The following TEX11 variants were observed in gnomAD, a reference collection of about 807,000 sequenced individuals.
TEX11 encodes the protein testis-expressed protein 11.
A neutral mutation model predicts 84.4 loss-of-function variants in TEX11; 7 were observed. That is an observed-to-expected ratio of 0.08 (90% CI 0.05 to 0.16). The LOEUF (loss-of-function observed/expected upper bound fraction) is 0.16. TEX11 is among the 10% of genes least tolerant of loss of function. The probability of loss-of-function intolerance (pLI) is 1.00; values close to 1 mark genes in which losing one functional copy is unlikely to be tolerated. For missense variants in TEX11, 551 were observed against 660.5 expected (o/e 0.83, Z 1.82); for synonymous variants, 264 against 222.8 (o/e 1.18, Z -1.64).
chrX:70,749,915 A>G (rs1173855121), intron 9 of TEX11, among the ~76,000 whole-genome samples: 1 of 110,340 alleles, frequency 9.1e-6, no homozygotes, highest in Non-Finnish European at 1.9e-5. Context: ...TGGCTTTGGT[A>G]TCAAATGGGA....
intron 15 of TEX11, among the ~76,000 whole-genome samples, chrX:70,676,563 G>A (rs1195437821): frequency 1.8e-5 from 2 of 111,735 alleles, no homozygotes; most frequent in African/African-American, 3.3e-5. Flanking sequence ...TTTTGATTAC[G>A]TGCGTTGGTG....
rs770636395 is a variant in TEX11 at position 70,578,719 on chromosome X, T to C, written c.2140+13032A>G. Among the ~76,000 whole-genome samples, 4 of 109,111 alleles carry C rather than the reference T, an allele frequency of 3.7e-5. No homozygotes were observed. In the South Asian group the frequency reaches 1.6e-3, roughly 44 times the overall value. The allele number at this position is 109,111 out of a possible 115,157, so 94.7% of individuals were successfully genotyped here. ...TGGTTTATAGACATAAATAAGAACT[T>C]ACATACATATTTTTTTAACTCCAAG... On this transcript the variant is annotated intron_variant, in intron 25 of 29. Coordinates refer to ENST00000374333, the MANE Select transcript of TEX11 (RefSeq NM_031276.3).
intron 24 of TEX11, among the ~76,000 whole-genome samples, chrX:70,592,101 G>A (rs2088939809): frequency 9.0e-6 from 1 of 111,425 alleles, no homozygotes; most frequent in Non-Finnish European, 1.9e-5. Flanking sequence ...TAGAATGGTT[G>A]TGTGAGGAGC....
At chrX:70,862,440 C>T (rs1191794561) in intron 4 of TEX11, among the ~76,000 whole-genome samples, 3 of 111,354 alleles carry the variant, frequency 2.7e-5, no homozygotes, top group South Asian at 3.7e-4. Flanking sequence ...ATTTGTCTAG[C>T]GGAAATTACA....
At chrX:70,900,395 A>AAAG (rs1556245993) in intron 2 of TEX11, among the ~76,000 whole-genome samples, 12,170 of 59,997 alleles carry the variant, frequency 0.2, 1,747 homozygotes, top group East Asian at 0.47. Context: ...AAAAAAAAAA[A>AAAG]AAGAAGAAGA....
At chrX:70,875,255 G>C (rs1163520408) in intron 3 of TEX11, among the ~76,000 whole-genome samples, 1 of 110,868 alleles carries the variant, frequency 9.0e-6, no homozygotes, top group Non-Finnish European at 1.9e-5. Flanking sequence ...TTGCACTTTT[G>C]AGACTTTATC....
At chrX:70,899,732 A>G (rs1286129027) in intron 2 of TEX11, among the ~76,000 whole-genome samples, 1 of 106,769 alleles carries the variant, frequency 9.4e-6, no homozygotes, top group Non-Finnish European at 1.9e-5. Context: ...CCTGGGCAAC[A>G]TGGCAAAATC....
intron 25 of TEX11, among the ~76,000 whole-genome samples, chrX:70,578,664 T>C (rs2088714450): frequency 9.0e-6 from 1 of 110,797 alleles, no homozygotes; most frequent in Non-Finnish European, 1.9e-5. Context: ...TATCATAAAG[T>C]TTCCTAAATT....
chrX:70,885,196 A>G (rs2091701692), intron 2 of TEX11, among the ~76,000 whole-genome samples: 1 of 111,691 alleles, frequency 9.0e-6, no homozygotes, highest in African/African-American at 3.3e-5. Context: ...CTCCTGTACA[A>G]GACAAGCCCA....
chrX:70,577,847 C>T (rs2088699266), intron 25 of TEX11, among the ~76,000 whole-genome samples: 1 of 109,440 alleles, frequency 9.1e-6, no homozygotes, highest in Admixed American at 9.8e-5. Context: ...CCTGCTTCAG[C>T]CTACCAAGTA....
intron 21 of TEX11, 80 bp from the exon 22 acceptor site, chrX:70,609,257 G>A (rs907955981): frequency 2.2e-5 from 19 of 862,578 alleles, no homozygotes; most frequent in Non-Finnish European, 2.9e-5. Context: ...TTTAAGAACA[G>A]TCTCACAGGA....
At chrX:70,850,771 A>G (rs1225314688) in intron 7 of TEX11, among the ~76,000 whole-genome samples, 2 of 103,348 alleles carry the variant, frequency 1.9e-5, no homozygotes, top group Non-Finnish European at 4.0e-5. Context: ...AACAACAAAA[A>G]TACCACACAT....
In TEX11 at chrX:70,700,922, C is replaced by T. The variant is rs188835512; in HGVS notation, c.1005-18097G>A. 7.1e-5 allele frequency among the ~76,000 whole-genome samples: 8 copies of T among 111,997 alleles called. No homozygotes were observed. The East Asian group carries it at 2.3e-3, about 32-fold the overall frequency. ...ACCCCAGCCACAGCACGTTCTTGAGCCAAAGCCTAATCCAGAGCAACGTCC... is the reference window on the plus strand; with the variant it reads ...ACCCCAGCCACAGCACGTTCTTGAGTCAAAGCCTAATCCAGAGCAACGTCC... On this transcript the variant is annotated intron_variant, in intron 13 of 29. Coordinates refer to ENST00000374333, the MANE Select transcript of TEX11 (RefSeq NM_031276.3).
intron 16 of TEX11, among the ~76,000 whole-genome samples, chrX:70,656,968 T>C (rs1228731600): frequency 9.0e-6 from 1 of 111,409 alleles, no homozygotes; most frequent in Admixed American, 9.6e-5. Flanking sequence ...AATAAAAAAC[T>C]GAACAGGACA....
intron 13 of TEX11, among the ~76,000 whole-genome samples, chrX:70,710,145 G>T (rs962237123): frequency 3.6e-5 from 4 of 111,086 alleles, no homozygotes; most frequent in African/African-American, 1.3e-4. Context: ...GGGGCCTGAC[G>T]CCTTTCACCA....
At chrX:70,526,096 T>A (rs6625623), downstream of TEX11, among the ~76,000 whole-genome samples, 1,589 of 111,042 alleles carry the variant, frequency 0.014, 21 homozygotes, top group African/African-American at 0.048. Flanking sequence ...CTTGGTCAGG[T>A]TGGTGAGGTT....
Position 70,813,639 on chromosome X carries a change from G to C in TEX11, c.607-6849C>G, listed in dbSNP as rs746967153. On this transcript the variant is annotated intron_variant, in intron 8 of 29. Transcript: ENST00000374333. ...GAAAGAAATAAAGGGTATCCAATTAGGAAAAGAGGAAGTCAAATTGTCCCT... is the reference window on the plus strand; with the variant it reads ...GAAAGAAATAAAGGGTATCCAATTACGAAAAGAGGAAGTCAAATTGTCCCT... Among the ~76,000 whole-genome samples, 42 of 111,296 alleles carry C rather than the reference G, an allele frequency of 3.8e-4. No homozygotes were observed. In the East Asian group the frequency reaches 0.012, roughly 32 times the overall value.
At chrX:70,756,459 C>G (rs2090868667) in intron 9 of TEX11, among the ~76,000 whole-genome samples, 1 of 112,076 alleles carries the variant, frequency 8.9e-6, no homozygotes, top group Non-Finnish European at 1.9e-5. Context: ...GCAGCCTCCA[C>G]TGGTGATCCC....
At chrX:70,636,271 CT>C (rs2089572005) in intron 17 of TEX11, among the ~76,000 whole-genome samples, 1 of 110,932 alleles carries the variant, frequency 9.0e-6, no homozygotes, top group Non-Finnish European at 1.9e-5. Context: ...CAAGGCAGTC[CT>C]TGTGGCCCGA....
Sources: allele counts gnomAD v4.1 joint callset (sites outside exome capture counted in the v4.1 genomes callset), GRCh38; gene constraint gnomAD v4.1.1; transcripts MANE v1.5; gene names NCBI Gene and HGNC (gene_info 2026-07-23, HGNC 2026-07-21).